Variants in RIOK1 observed in about 807,000 individuals in gnomAD.
The protein encoded by RIOK1 is serine/threonine-protein kinase RIO1.
Under a neutral mutation model 73.5 loss-of-function variants are expected in RIOK1, and 66 were observed. The ratio of observed to expected loss-of-function variants is 0.90; its 90% CI spans 0.74 to 1.10. The LOEUF is 1.10. RIOK1 is among the 50% of genes least tolerant of loss of function. RIOK1 has a pLI of 0.00. For missense variants in RIOK1, 658 were observed against 699.8 expected, an observed-to-expected ratio of 0.94 and a Z score of 0.67; for synonymous variants, 224 against 226.8, an observed-to-expected ratio of 0.99 and a Z score of 0.11.
chr6:7,394,915 G>C (rs1464343500), intron 2 of RIOK1, 138 bp from the exon 3 acceptor site: 2 of 1,355,064 alleles, frequency 1.5e-6, no homozygotes, highest in Non-Finnish European at 2.0e-6. Flanking sequence ...GAGCCAATTT[G>C]ATTGACTCTT....
At chr6:7,411,142 C>G (rs752914304) in intron 13 of RIOK1, among the ~76,000 whole-genome samples, 190 bp from the exon 14 acceptor site, 11 of 152,062 alleles carry the variant, frequency 7.2e-5, no homozygotes, top group Non-Finnish European at 1.2e-4. Context: ...AGTGTTCTAT[C>G]ATTAGTAGTG....
chr6:7,415,977 A>G (rs906911248), intron 16 of RIOK1, among the ~76,000 whole-genome samples: 2 of 152,260 alleles, frequency 1.3e-5, no homozygotes, highest in Non-Finnish European at 2.9e-5. Flanking sequence ...GAAGCATAGT[A>G]TATATAGGGT....
At chr6:7,405,432 A>G (rs1186243349) in intron 12 of RIOK1, 77 bp downstream of exon 12, 4 of 865,478 alleles carry the variant, frequency 4.6e-6, no homozygotes. Flanking sequence ...GCTTGGGACC[A>G]GAAGTGTTTT....
intron 15 of RIOK1, among the ~76,000 whole-genome samples, chr6:7,413,486 T>TA (rs1171357593): frequency 6.6e-6 from 1 of 152,250 alleles, no homozygotes; most frequent in Non-Finnish European, 1.5e-5. Context: ...TTTATTTTTT[T>TA]AAATCTTCCT....
At chr6:7,409,831 T>C in intron 12 of RIOK1, among the ~76,000 whole-genome samples, 1 of 151,796 alleles carries the variant, frequency 6.6e-6, no homozygotes, top group East Asian at 1.9e-4. Flanking sequence ...GCTCCCACTA[T>C]TTTTTCCTTT....
Position 7,410,459 on chromosome 6 carries a change from T to G in RIOK1, c.1269+8T>G, listed in dbSNP as rs1761858906. 6.3e-7 allele frequency: 1 copy of G among 1,596,258 alleles called. No homozygotes were observed. The highest frequency in any genetic ancestry group is 8.6e-7 in the Non-Finnish European group (1 of 1,164,390). Reference sequence around the variant, plus strand: ...GATCATGTGGATGAAGAGGTAGGATTTATTATCTATTCACAGCCTTTGGAA... The same window carrying G: ...GATCATGTGGATGAAGAGGTAGGATGTATTATCTATTCACAGCCTTTGGAA... On this transcript the variant is annotated splice_region_variant and intron_variant, in intron 13 of 16. Transcript: ENST00000379834.
chr6:7,412,882 T>C lies in RIOK1; in HGVS notation c.1390-7T>C. 1 of 1,493,430 alleles carries C rather than the reference T, an allele frequency of 6.7e-7. No individual in the cohort carries two copies. Among genetic ancestry groups the C allele is most frequent in the Non-Finnish European group, 9.0e-7 (1 of 1,109,308 alleles). 92.5% of individuals were successfully genotyped at this position (1,493,430 alleles called of 1,614,324 possible). On this transcript the variant is annotated splice_region_variant and splice_polypyrimidine_tract_variant and intron_variant, in intron 14 of 16. Coordinates refer to ENST00000379834, the MANE Select transcript of RIOK1 (RefSeq NM_031480.3). ...CCTTATTTTTTTTTTTTCATTTTGG[T>C]TATAAGATTCTATACCAGACTGTTA...
At position 7,404,996 on chromosome 6, in the gene RIOK1, G is replaced by A. The variant is rs768431657; in HGVS notation, c.1071G>A (p.Leu357=). ...ACCACCCACATGCCTTGGAGTTCTT[G>A]AGAAAGGATTGCGCCAACGTCAATG... ...EHDHPHALEF[L]RKDCANVNDF... is the part of the protein sequence containing the mutation. Residue 357 remains leucine (L), a synonymous_variant, in exon 11 of 17, where the codon TTG becomes TTA. Coordinates refer to ENST00000379834, the MANE Select transcript of RIOK1 (RefSeq NM_031480.3). The A allele has an allele frequency of 5.6e-6, 9 of 1,614,134 alleles. No individual in the cohort carries two copies. In the South Asian group the frequency reaches 8.8e-5, roughly 16 times the overall value.
chr6:7,407,560 C>T (rs1199514546), intron 12 of RIOK1, among the ~76,000 whole-genome samples: 1 of 151,722 alleles, frequency 6.6e-6, no homozygotes, highest in Non-Finnish European at 1.5e-5. Flanking sequence ...TCCTGTCTCA[C>T]TACAGTCTCA....
At chr6:7,393,377 T>G in intron 2 of RIOK1, 74 bp downstream of exon 2, 1 of 1,248,236 alleles carries the variant, frequency 8.0e-7, no homozygotes. Context: ...TGTTTTGTGA[T>G]TCTGAAATTG....
chr6:7,414,788 C>G (rs1404108219), intron 16 of RIOK1, among the ~76,000 whole-genome samples: 1 of 152,192 alleles, frequency 6.6e-6, no homozygotes, highest in African/African-American at 2.4e-5. Context: ...TTTCAGTTCC[C>G]TGCAGTCAGC....
chr6:7,414,322 G>C lies in RIOK1; in HGVS notation c.1528G>C (p.Asp510His), dbSNP rs750875200. Reference protein sequence around the residue: ...DIGSSECSDTDSEEQGDHARP... With the variant: ...DIGSSECSDTHSEEQGDHARP... ...TGGAAGCTCTGAGTGCTCTGACACA[G>C]ACTCTGAAGAGCAGGGAGACCATGC... Residue 510 changes from aspartate (D) to histidine (H), a missense_variant, in exon 16 of 17, where the codon GAC becomes CAC. Coordinates refer to ENST00000379834, the MANE Select transcript of RIOK1 (RefSeq NM_031480.3). 1 of 1,613,984 alleles carries C rather than the reference G, an allele frequency of 6.2e-7. No individual in the cohort carries two copies. The highest frequency in any genetic ancestry group is 1.7e-5 in the Admixed American group (1 of 60,006).
At chr6:7,407,386 A>G (rs774344574) in intron 12 of RIOK1, among the ~76,000 whole-genome samples, 3 of 152,030 alleles carry the variant, frequency 2.0e-5, no homozygotes, top group Non-Finnish European at 4.4e-5. Context: ...TGTGAGGTGT[A>G]TGTTATTATG....
At position 7,405,407 on chromosome 6, in the gene RIOK1, T is replaced by A. The variant is rs751647282; in HGVS notation, c.1203+52T>A. 6 of 1,059,620 alleles carry A rather than the reference T, an allele frequency of 5.7e-6. No individual in the cohort carries two copies. The Admixed American group carries it at 9.8e-5, about 17-fold the overall frequency. 65.6% of individuals were successfully genotyped at this position (1,059,620 alleles called of 1,614,324 possible). ...AGGAAATAGCAGTACAGGTGCAGTA[T>A]CTCTTATCTCAAGTGCTTGGGACCA... On this transcript the variant is annotated intron_variant, in intron 12 of 16. Transcript: ENST00000379834.
Position 7,390,073 on chromosome 6 carries a change from G to C in RIOK1, c.71G>C (p.Ser24Thr). ...GQFDDADSSD[S>T]ENRDLKTVKE... Reference sequence around the variant, plus strand: ...TTCGACGACGCGGACTCCTCTGACAGGTAGGCGGCCGTACAGTGCCCTGGC... The same window carrying C: ...TTCGACGACGCGGACTCCTCTGACACGTAGGCGGCCGTACAGTGCCCTGGC... The change falls in exon 1 of 17, where the codon AGT becomes ACT. Residue 24 changes from serine to threonine, a missense_variant and splice_region_variant. Physicochemically the swap from Ser to Thr is moderately conservative, Grantham distance 58 (BLOSUM62 1). Transcript: ENST00000379834. 6.4e-7 allele frequency: 1 copy of C among 1,558,002 alleles called. No individual in the cohort carries two copies. The highest frequency in any genetic ancestry group is 1.9e-5 in the Admixed American group (1 of 52,866).
At chr6:7,414,434 C>T (rs983939669) in intron 16 of RIOK1, 44 bp downstream of exon 16, 2 of 1,507,582 alleles carry the variant, frequency 1.3e-6, no homozygotes, top group Admixed American at 4.3e-5. Flanking sequence ...TGTGGGAGCA[C>T]AGCCGCTCTT....
chr6:7,405,048 C>T, intron 11 of RIOK1, 27 bp downstream of exon 11: 1 of 1,567,056 alleles, frequency 6.4e-7, no homozygotes, highest in Non-Finnish European at 8.8e-7. Context: ...ATTTTCGAAA[C>T]AGCTCATTGG....
In RIOK1 at chr6:7,393,880, A is replaced by G. The variant is rs141783554; in HGVS notation, c.276+577A>G. On this transcript the variant is annotated intron_variant, in intron 2 of 16. Coordinates refer to ENST00000379834, the MANE Select transcript of RIOK1 (RefSeq NM_031480.3). ...AACATTGGAAGCAACCTTGAACGGGATTAAACCTGCTATGGGACTGATTCG... is the reference window on the plus strand; with the variant it reads ...AACATTGGAAGCAACCTTGAACGGGGTTAAACCTGCTATGGGACTGATTCG... Among the ~76,000 whole-genome samples, 516 of 152,320 alleles carry G rather than the reference A, an allele frequency of 3.4e-3. 2 individuals are homozygous for G. The highest frequency in any genetic ancestry group is 0.012 in the African/African-American group (483 of 41,562).
intron 12 of RIOK1, 53 bp from the exon 13 acceptor site, chr6:7,410,333 G>T: frequency 8.1e-7 from 1 of 1,227,734 alleles, no homozygotes; most frequent in Non-Finnish European, 1.2e-6. Flanking sequence ...GGACATGGAT[G>T]TGCCTTCTGC....
Sources: allele counts gnomAD v4.1 joint callset (sites outside exome capture counted in the v4.1 genomes callset), GRCh38; gene constraint gnomAD v4.1.1; transcripts MANE v1.5; gene names NCBI Gene and HGNC (gene_info 2026-07-23, HGNC 2026-07-21).